Variants in PHACTR4 observed in about 807,000 individuals in gnomAD.
The protein encoded by PHACTR4 is phosphatase and actin regulator 4.
Under a neutral mutation model 72.7 loss-of-function variants are expected in PHACTR4, and 51 were observed. That is an observed-to-expected ratio of 0.70 (90% CI 0.56 to 0.89). The LOEUF (loss-of-function observed/expected upper bound fraction) is 0.89. PHACTR4 is among the 40% of genes least tolerant of loss of function. The probability of loss-of-function intolerance (pLI) is 0.00; values close to 1 mark genes in which losing one functional copy is unlikely to be tolerated. For synonymous variants in PHACTR4, 255 were observed against 302.5 expected (o/e 0.84, Z 1.63); for missense variants, 731 against 861.8 (o/e 0.85, Z 1.90).
chr1:28,393,157 A>T (rs201457623), intron 1 of PHACTR4, among the ~76,000 whole-genome samples: 1 of 83,492 alleles, frequency 1.2e-5, no homozygotes, highest in Non-Finnish European at 2.9e-5. Context: ...TTGTCAGTTA[A>T]ACAAAATATG....
intron 13 of PHACTR4, 74 bp downstream of exon 13, chr1:28,493,165 C>G: frequency 8.3e-7 from 1 of 1,211,436 alleles, no homozygotes; most frequent in Non-Finnish European, 1.2e-6. Context: ...ATGAAGGGCT[C>G]TAATGACATC....
intron 2 of PHACTR4, among the ~76,000 whole-genome samples, chr1:28,435,831 A>G (rs1656597480): frequency 6.6e-6 from 1 of 152,208 alleles, no homozygotes; most frequent in Non-Finnish European, 1.5e-5. Context: ...CCATTTTACA[A>G]TAGTGGAAAC....
At chr1:28,398,825 G>T (rs973633801) in intron 1 of PHACTR4, among the ~76,000 whole-genome samples, 2 of 148,828 alleles carry the variant, frequency 1.3e-5, no homozygotes, top group African/African-American at 2.5e-5. Flanking sequence ...TCTCAAAAAA[G>T]AAAAAAAAAT....
intron 1 of PHACTR4, among the ~76,000 whole-genome samples, chr1:28,386,478 T>G (rs1485184219): frequency 1.3e-5 from 2 of 152,118 alleles, no homozygotes; most frequent in Non-Finnish European, 2.9e-5. Flanking sequence ...TGAATATCTT[T>G]GTTAATTTTC....
At chr1:28,385,536 C>CT (rs1383861258) in intron 1 of PHACTR4, among the ~76,000 whole-genome samples, 2 of 117,118 alleles carry the variant, frequency 1.7e-5, no homozygotes, top group Non-Finnish European at 3.4e-5. Flanking sequence ...GAGCAAGACT[C>CT]TGTCTCAAAA....
chr1:28,400,436 T>G (rs1278486676), intron 1 of PHACTR4, among the ~76,000 whole-genome samples: 1 of 151,762 alleles, frequency 6.6e-6, no homozygotes, highest in Non-Finnish European at 1.5e-5. Context: ...TGTAGCCGGC[T>G]TAAGTCTGGC....
chr1:28,444,606 TTTTTTA>T (rs1657302453), intron 2 of PHACTR4, among the ~76,000 whole-genome samples: 2 of 150,684 alleles, frequency 1.3e-5, no homozygotes. Context: ...TATTATTTAT[TTTTTTA>T]TTTTTATTAT....
chr1:28,450,501 C>T (rs74064844), intron 2 of PHACTR4, among the ~76,000 whole-genome samples: 15,818 of 151,990 alleles, frequency 0.1, 1,899 homozygotes, highest in African/African-American at 0.3. Flanking sequence ...AGTTTCAGGC[C>T]CATCTTTCTT....
At chr1:28,388,883 C>T (rs1403189943) in intron 1 of PHACTR4, among the ~76,000 whole-genome samples, 1 of 151,990 alleles carries the variant, frequency 6.6e-6, no homozygotes, top group Non-Finnish European at 1.5e-5. Flanking sequence ...GATTTAAAGA[C>T]TTAAATGTAA....
chr1:28,460,987 G>T (rs1658763066), intron 4 of PHACTR4, among the ~76,000 whole-genome samples: 1 of 152,082 alleles, frequency 6.6e-6, no homozygotes, highest in South Asian at 2.1e-4. Flanking sequence ...CCATATCACT[G>T]CACCAGTCTA....
chr1:28,496,652 C>A lies in PHACTR4; in HGVS notation c.*103C>A. 7.4e-7 allele frequency: 1 copy of A among 1,344,460 alleles called. No individual in the cohort carries two copies. The highest frequency in any genetic ancestry group is 1.1e-6 in the Non-Finnish European group (1 of 943,016). The allele number at this position is 1,344,460 out of a possible 1,614,324, so 83.3% of individuals were successfully genotyped here. Reference sequence around the variant, plus strand: ...GCACTTCCCAGCACAGCCAGAATTGCATCCTCTGGGATCTTCTGAGGTGGA... The same window carrying A: ...GCACTTCCCAGCACAGCCAGAATTGAATCCTCTGGGATCTTCTGAGGTGGA... On this transcript the variant is annotated 3_prime_UTR_variant, in exon 14 of 14. Transcript: ENST00000373839.
In PHACTR4 at chr1:28,490,969, G is replaced by A. The variant is rs1364099004; in HGVS notation, c.1835G>A (p.Arg612His). 5.6e-6 allele frequency: 9 copies of A among 1,613,814 alleles called. No homozygotes were observed. Among genetic ancestry groups the A allele is most frequent in the South Asian group, 5.5e-5 (5 of 91,080 alleles). The part of the protein sequence containing the change: ...NILQPKNEAD[R>H]QAEKREIKRR... ...ACTGTAGCTAAAAATGAAGCTGATC[G>A]TCAGGCAGAAAAACGAGAAATTAAA... is the stretch of plus-strand genomic sequence containing the variant. The change falls in exon 11 of 14, where the codon CGT becomes CAT. Residue 612 changes from arginine to histidine, a missense_variant. This residue lies in a region of PHACTR4 where 110 missense variants were observed against 185.2 expected (regional missense o/e 0.59). Coordinates refer to ENST00000373839, the MANE Select transcript of PHACTR4 (RefSeq NM_001048183.3).
At chr1:28,388,405 G>A (rs573602249) in intron 1 of PHACTR4, among the ~76,000 whole-genome samples, 15 of 152,164 alleles carry the variant, frequency 9.9e-5, no homozygotes, top group Non-Finnish European at 1.6e-4. Context: ...CCAGAAATAA[G>A]TCCACGTAGG....
chr1:28,438,478 C>T, intron 2 of PHACTR4: 1 of 1,595,614 alleles, frequency 6.3e-7, no homozygotes, highest in Non-Finnish European at 8.6e-7. Context: ...AGAAGCAAGG[C>T]AGATTTACAG....
Position 28,373,617 on chromosome 1 carries a change from G to A in PHACTR4, c.-39+3792G>A, listed in dbSNP as rs547257793. On this transcript the variant is annotated intron_variant, in intron 1 of 13. Coordinates refer to ENST00000373839, the MANE Select transcript of PHACTR4 (RefSeq NM_001048183.3). ...TAATTTTATAATTTTTATAGAGACA[G>A]GTCTCGCCATGTTGCCCAGCCTGGT... 5.9e-5 allele frequency among the ~76,000 whole-genome samples: 9 copies of A among 152,074 alleles called. No homozygotes were observed. The South Asian group carries it at 1.5e-3, about 25-fold the overall frequency.
intron 1 of PHACTR4, among the ~76,000 whole-genome samples, chr1:28,390,556 G>C (rs1040369349): frequency 6.6e-6 from 1 of 152,118 alleles, no homozygotes; most frequent in Non-Finnish European, 1.5e-5. Flanking sequence ...TTGGGAGGTC[G>C]AGGCGGGTGG....
At chr1:28,447,973 A>C (rs1047492579) in intron 2 of PHACTR4, among the ~76,000 whole-genome samples, 1 of 152,198 alleles carries the variant, frequency 6.6e-6, no homozygotes, top group Non-Finnish European at 1.5e-5. Context: ...AAGTTTTCTG[A>C]AACAGTTGTT....
chr1:28,476,396 C>T, intron 8 of PHACTR4, 105 bp downstream of exon 8: 1 of 1,166,796 alleles, frequency 8.6e-7, no homozygotes, highest in Non-Finnish European at 1.2e-6. Context: ...TACCTTCTCC[C>T]ATTAAGTCAT....
chr1:28,457,956 C>T (rs1658512950), intron 2 of PHACTR4: 1 of 708,534 alleles, frequency 1.4e-6, no homozygotes. Flanking sequence ...CTTGGCCCCG[C>T]CTTGGCTCTC....
Sources: allele counts gnomAD v4.1 joint callset (sites outside exome capture counted in the v4.1 genomes callset), GRCh38; gene constraint gnomAD v4.1.1; regional missense constraint gnomAD v4.1.1; transcripts MANE v1.5; gene names NCBI Gene and HGNC (gene_info 2026-07-23, HGNC 2026-07-21).